ZNF727: variants seen among roughly 807,000 people sequenced by gnomAD.
ZNF727 encodes zinc finger protein 727.
ZNF727 carries 11 observed loss-of-function variants against 11.5 expected under a neutral mutation model. The ratio of observed to expected loss-of-function variants is 0.95; its 90% CI spans 0.60 to 1.58. The LOEUF is 1.58. ZNF727 is among the 40% of genes most tolerant of loss of function. The pLI is 0.00. For missense variants in ZNF727, 533 were observed against 581.7 expected (o/e 0.92, Z 0.86); for synonymous variants, 171 against 196.1 (o/e 0.87, Z 1.07).
rs780659928 is a variant in ZNF727 at position 64,050,915 on chromosome 7, A to C, written c.3+5291A>C. ...TTAGATTTTACCCACGTAAATAGAAAACATTTCTTTACTTTTTCTTTCTAA... is the reference window on the plus strand; with the variant it reads ...TTAGATTTTACCCACGTAAATAGAACACATTTCTTTACTTTTTCTTTCTAA... On this transcript the variant is annotated intron_variant, in intron 1 of 3. Transcript: ENST00000456806. 1.7e-4 allele frequency among the ~76,000 whole-genome samples: 26 copies of C among 152,238 alleles called. 1 individual carries two copies. Among genetic ancestry groups the C allele is most frequent in the Middle Eastern group, 3.4e-3 (1 of 294 alleles).
intron 2 of ZNF727, 149 bp downstream of exon 2, chr7:64,069,166 T>A (rs1789919283): frequency 8.4e-6 from 7 of 833,514 alleles, no homozygotes; most frequent in Non-Finnish European, 1.2e-5. Context: ...GTAAATATAA[T>A]CTTTAAGATG....
intron 3 of ZNF727, among the ~76,000 whole-genome samples, chr7:64,070,226 T>A (rs990971583): frequency 1.3e-5 from 2 of 152,210 alleles, no homozygotes; most frequent in African/African-American, 4.8e-5. Context: ...TGTTATTCTT[T>A]TCATATAAAC....
Position 64,077,281 on chromosome 7 carries a change from T to G in ZNF727, c.232T>G (p.Ser78Ala). 6.6e-7 allele frequency: 1 copy of G among 1,505,502 alleles called. No individual in the cohort carries two copies. Among genetic ancestry groups the G allele is most frequent in the Non-Finnish European group, 8.9e-7 (1 of 1,129,268 alleles). The allele number at this position is 1,505,502 out of a possible 1,614,324, so 93.3% of individuals were successfully genotyped here. A position where few individuals can be genotyped will look rare whatever the true frequency, so the allele number is the denominator to read the frequency against. Residue 78 changes from serine to alanine, a missense_variant, in exon 4 of 4, where the codon TCT becomes GCT. This residue lies in a region of ZNF727 where 463 missense variants were observed against 494.5 expected (regional missense o/e 0.94). Transcript: ENST00000456806. ...GGTTCTTTTTTTTTTTTCAGCTGGC[T>G]CTTTGCATTTTACTGCAGAGATATT... ...QKTVAKHPAG[S>A]LHFTAEILLE...
chr7:64,077,462 C>G lies in ZNF727; in HGVS notation c.413C>G (p.Ser138Ter), dbSNP rs1317754721. Residue 138 changes from serine (S) to a stop codon, truncating the protein, a stop_gained, in exon 4 of 4, where the codon TCA becomes TGA. Coordinates refer to ENST00000456806, the MANE Select transcript of ZNF727 (RefSeq NM_001159522.3). LOFTEE classifies it low-confidence loss of function (END_TRUNC). ...TATAATGGCATTCATCAATGTTTGT[C>G]AGCTACCCGTAGCAAAACCTGTCAA... ...SSYNGIHQCL[S>*]ATRSKTCQYN... 6.4e-7 allele frequency: 1 copy of G among 1,551,834 alleles called. No individual in the cohort carries two copies. The highest frequency in any genetic ancestry group is 8.7e-7 in the Non-Finnish European group (1 of 1,147,020).
At position 64,069,576 on chromosome 7, in the gene ZNF727, G is replaced by A. The variant is rs573399407; in HGVS notation, c.193G>A (p.Ala65Thr). Residue 65 changes from alanine to threonine, a missense_variant, in exon 3 of 4, where the codon GCG (alanine) becomes ACG (threonine). This residue lies in a region of ZNF727 where 463 missense variants were observed against 494.5 expected (regional missense o/e 0.94). Coordinates refer to ENST00000456806, the MANE Select transcript of ZNF727 (RefSeq NM_001159522.3). ...GGAGCAAAGAAAAGAGCCTTGGAATGCGAGGAGACAGAAGACAGTAGCCAA... is the reference window on the plus strand; with the variant it reads ...GGAGCAAAGAAAAGAGCCTTGGAATACGAGGAGACAGAAGACAGTAGCCAA... ...YLEQRKEPWNARRQKTVAKHP... is the reference protein window; with the variant it reads ...YLEQRKEPWNTRRQKTVAKHP... 43 of 1,565,612 alleles carry A rather than the reference G, an allele frequency of 2.7e-5. No homozygotes were observed. Among genetic ancestry groups the A allele is most frequent in the South Asian group, 1.8e-4 (15 of 85,704 alleles).
At chr7:64,047,327 T>C (rs1789524041) in intron 1 of ZNF727, among the ~76,000 whole-genome samples, 1 of 152,234 alleles carries the variant, frequency 6.6e-6, no homozygotes, top group African/African-American at 2.4e-5. Flanking sequence ...ATTTTAATTG[T>C]TTATTTTTGT....
intron 1 of ZNF727, among the ~76,000 whole-genome samples, chr7:64,056,996 A>G (rs911880743): frequency 3.9e-5 from 6 of 152,122 alleles, no homozygotes; most frequent in African/African-American, 1.2e-4. Flanking sequence ...TCCTCAAAAC[A>G]TGTAAATTCT....
chr7:64,081,496 G>A lies in ZNF727; in HGVS notation c.*2947G>A, dbSNP rs1417489350. 6.6e-6 allele frequency among the ~76,000 whole-genome samples: 1 copy of A among 152,138 alleles called. No homozygotes were observed. The highest frequency in any genetic ancestry group is 2.4e-5 in the African/African-American group (1 of 41,434). ...TGCCAGCAAAGTAATATGGGGAGTT[G>A]CCATGGTCTTGGGGGAAGCTGGAGT... On this transcript the variant is annotated 3_prime_UTR_variant, in exon 4 of 4. Coordinates refer to ENST00000456806, the MANE Select transcript of ZNF727 (RefSeq NM_001159522.3).
intron 1 of ZNF727, among the ~76,000 whole-genome samples, chr7:64,056,115 A>G (rs993522845): frequency 2.6e-5 from 4 of 152,088 alleles, no homozygotes; most frequent in Admixed American, 6.5e-5. Flanking sequence ...TTTCAATATG[A>G]TAGAGCATTG....
At chr7:64,057,679 C>A (rs780273258) in intron 1 of ZNF727, among the ~76,000 whole-genome samples, 1 of 151,646 alleles carries the variant, frequency 6.6e-6, no homozygotes, top group Non-Finnish European at 1.5e-5. Flanking sequence ...CCTGCCCATC[C>A]TGCATATGTG....
chr7:64,063,601 C>T (rs1435980601), intron 1 of ZNF727, among the ~76,000 whole-genome samples: 1 of 144,356 alleles, frequency 6.9e-6, no homozygotes, highest in Non-Finnish European at 1.5e-5. Flanking sequence ...GACTGGCTCT[C>T]ACATAAGGCC....
chr7:64,078,215 T>C lies in ZNF727; in HGVS notation c.1166T>C (p.Ile389Thr). The C allele has an allele frequency of 6.2e-7, 1 of 1,605,832 alleles. No homozygotes were observed. Among genetic ancestry groups the C allele is most frequent in the Non-Finnish European group, 8.5e-7 (1 of 1,175,864 alleles). ...WFSDLTNHKR[I>T]HTGEKPYKCE... ...TCAGACCTGACTAATCATAAGAGAA[T>C]TCACACTGGAGAGAAACCCTACAAA... The change falls in exon 4 of 4, where the codon ATT (isoleucine) becomes ACT (threonine). Residue 389 changes from isoleucine to threonine, a missense_variant. Around this residue, in one of 3 missense-constraint regions of ZNF727, gnomAD observed 463 missense variants for 494.5 expected, o/e 0.94. Coordinates refer to ENST00000456806, the MANE Select transcript of ZNF727 (RefSeq NM_001159522.3).
chr7:64,059,035 C>T (rs532830863), intron 1 of ZNF727, among the ~76,000 whole-genome samples: 21 of 151,824 alleles, frequency 1.4e-4, no homozygotes, highest in African/African-American at 3.9e-4. Flanking sequence ...ACCTCCGCCT[C>T]CCGGGTTCAA....
Position 64,078,028 on chromosome 7 carries a change from C to T in ZNF727, c.979C>T (p.Leu327Phe), listed in dbSNP as rs1312113710. 2 of 1,605,740 alleles carry T rather than the reference C, an allele frequency of 1.2e-6. No individual in the cohort carries two copies. The highest frequency in any genetic ancestry group is 1.7e-6 in the Non-Finnish European group (2 of 1,176,208). ...AAAAGCTTTTATGTGGATCTCGGCC[C>T]TTAGTCAACATAACAGAATTCATAC... is the stretch of plus-strand genomic sequence containing the variant. ...CGKAFMWISA[L>F]SQHNRIHTGE... The change falls in exon 4 of 4, where the codon CTT (leucine) becomes TTT (phenylalanine). Residue 327 changes from leucine (L) to phenylalanine (F), a missense_variant. Transcript: ENST00000456806.
intron 1 of ZNF727, among the ~76,000 whole-genome samples, chr7:64,047,293 A>T (rs1218605008): frequency 6.6e-6 from 1 of 152,168 alleles, no homozygotes; most frequent in Admixed American, 6.5e-5. Context: ...TTAGTCCTTT[A>T]TTTAATTTCA....
intron 1 of ZNF727, among the ~76,000 whole-genome samples, chr7:64,057,436 C>A (rs898865533): frequency 1.3e-5 from 2 of 152,140 alleles, no homozygotes; most frequent in Non-Finnish European, 1.5e-5. Context: ...AGCTGCTATT[C>A]TCAGCAAACT....
rs1341474131 is a variant in ZNF727, at chr7:64,069,684, A to C, written c.226+75A>C. 6.9e-6 allele frequency: 8 copies of C among 1,152,244 alleles called. No individual in the cohort carries two copies. In the South Asian group the frequency reaches 9.6e-5, roughly 14 times the overall value. The allele number at this position is 1,152,244 out of a possible 1,614,324, so 71.4% of individuals were successfully genotyped here. A position where few individuals can be genotyped will look rare whatever the true frequency, so the allele number is the denominator to read the frequency against. ...CAAGGAGGAAGCCAGACCTTGAAAC[A>C]TGCTTCCAGAAGCTCTGCTCCAGTG... is the stretch of plus-strand genomic sequence containing the variant. On this transcript the variant is annotated intron_variant, in intron 3 of 3. Transcript: ENST00000456806.
intron 1 of ZNF727, among the ~76,000 whole-genome samples, chr7:64,066,622 C>T (rs1215752988): frequency 6.6e-6 from 1 of 152,096 alleles, no homozygotes; most frequent in Non-Finnish European, 1.5e-5. Flanking sequence ...AAACTGGACC[C>T]CTTCCTTACA....
intron 1 of ZNF727, among the ~76,000 whole-genome samples, chr7:64,062,144 G>A (rs1562793173): frequency 6.6e-6 from 1 of 152,036 alleles, no homozygotes; most frequent in African/African-American, 2.4e-5. Context: ...TAAGGAGGTA[G>A]AGAAAGAGTT....
Sources: allele counts gnomAD v4.1 joint callset (sites outside exome capture counted in the v4.1 genomes callset), GRCh38; gene constraint gnomAD v4.1.1; regional missense constraint gnomAD v4.1.1; transcripts MANE v1.5; gene names NCBI Gene and HGNC (gene_info 2026-07-23, HGNC 2026-07-21).